ADAMTSL1: variants seen among roughly 807,000 people sequenced by gnomAD.
ADAMTSL1 encodes the protein ADAMTS-like protein 1.
ADAMTSL1 carries 126 observed loss-of-function variants against 201.8 expected under a neutral mutation model. The ratio of observed to expected loss-of-function variants is 0.62; its 90% CI spans 0.54 to 0.72. ADAMTSL1 has a LOEUF of 0.72. ADAMTSL1 is among the 30% of genes least tolerant of loss of function. ADAMTSL1 has a pLI of 0.00. For synonymous variants in ADAMTSL1, 1,121 were observed against 903.4 expected (o/e 1.24, Z -4.32); for missense variants, 2,679 against 2,277.8 (o/e 1.18, Z -3.59).
chr9:18,623,695 A>G (rs553482210), intron 5 of ADAMTSL1, among the ~76,000 whole-genome samples: 6 of 152,328 alleles, frequency 3.9e-5, no homozygotes, highest in Admixed American at 1.3e-4. Flanking sequence ...TGCAGCAGAT[A>G]CAGATAGAAA....
chr9:18,515,361 G>A (rs1201172772), intron 2 of ADAMTSL1, among the ~76,000 whole-genome samples: 1 of 152,174 alleles, frequency 6.6e-6, no homozygotes, highest in African/African-American at 2.4e-5. Flanking sequence ...TTGAGACAAG[G>A]TCTGGCTGTA....
intron 26 of ADAMTSL1, among the ~76,000 whole-genome samples, chr9:18,897,544 C>T (rs1047300913): frequency 1.3e-5 from 2 of 152,240 alleles, no homozygotes; most frequent in African/African-American, 4.8e-5. Context: ...GTTTTGCAGA[C>T]TTCACTGGTG....
In ADAMTSL1 at chr9:18,566,553, A is replaced by G. The variant is rs1371008268; in HGVS notation, c.238-7477A>G. 6.6e-5 allele frequency among the ~76,000 whole-genome samples: 10 copies of G among 152,306 alleles called. No individual in the cohort carries two copies. The East Asian group carries it at 1.7e-3, about 26-fold the overall frequency. On this transcript the variant is annotated intron_variant, in intron 3 of 28. Transcript: ENST00000380548. Reference sequence around the variant, plus strand: ...GCAGCCTAAGCTTTGTGGAGGTGATATTTGAGCAAAGACTTGATAAAGGTG... The same window carrying G: ...GCAGCCTAAGCTTTGTGGAGGTGATGTTTGAGCAAAGACTTGATAAAGGTG...
intron 1 of ADAMTSL1, among the ~76,000 whole-genome samples, chr9:17,956,437 A>G (rs1208652227): frequency 2.0e-5 from 3 of 152,190 alleles, no homozygotes; most frequent in Non-Finnish European, 4.4e-5. Flanking sequence ...ACATGTAACG[A>G]TTAGAAATTC....
intron 1 of ADAMTSL1, among the ~76,000 whole-genome samples, chr9:18,026,025 AT>A (rs1375520166): frequency 1.3e-5 from 2 of 151,730 alleles, no homozygotes; most frequent in Non-Finnish European, 2.9e-5. Context: ...ATGGGATTGC[AT>A]CCTTGATTTG....
At chr9:18,833,687 C>G (rs1825140084) in intron 23 of ADAMTSL1, among the ~76,000 whole-genome samples, 2 of 152,014 alleles carry the variant, frequency 1.3e-5, no homozygotes, top group African/African-American at 2.4e-5. Context: ...TGCAGACGCT[C>G]TTTAATTAGA....
intron 26 of ADAMTSL1, among the ~76,000 whole-genome samples, chr9:18,901,490 A>T (rs1050951129): frequency 6.6e-6 from 1 of 152,258 alleles, no homozygotes; most frequent in African/African-American, 2.4e-5. Flanking sequence ...GTTAGTGAAT[A>T]TACAGCATAT....
At chr9:17,969,385 G>T (rs905939467) in intron 1 of ADAMTSL1, among the ~76,000 whole-genome samples, 1 of 152,024 alleles carries the variant, frequency 6.6e-6, no homozygotes, top group Non-Finnish European at 1.5e-5. Context: ...TACAAGGAAG[G>T]AAGCTGAGAT....
At chr9:18,652,453 G>A (rs1490314006) in intron 7 of ADAMTSL1, among the ~76,000 whole-genome samples, 1 of 150,778 alleles carries the variant, frequency 6.6e-6, no homozygotes, top group African/African-American at 2.4e-5. Flanking sequence ...AATACAATTA[G>A]TCCTCTACTT....
At chr9:17,966,145 G>T (rs1817970430) in intron 1 of ADAMTSL1, among the ~76,000 whole-genome samples, 1 of 152,102 alleles carries the variant, frequency 6.6e-6, no homozygotes, top group Non-Finnish European at 1.5e-5. Flanking sequence ...GATTAAGAGA[G>T]GTCTGGGAAA....
intron 1 of ADAMTSL1, among the ~76,000 whole-genome samples, chr9:18,148,242 G>A (rs1472039850): frequency 1.3e-5 from 2 of 151,534 alleles, no homozygotes; most frequent in Non-Finnish European, 2.9e-5. Flanking sequence ...ATTTTTTCAT[G>A]TCTACATAGT....
chr9:18,012,107 T>C (rs1820077522), intron 1 of ADAMTSL1, among the ~76,000 whole-genome samples: 1 of 152,060 alleles, frequency 6.6e-6, no homozygotes, highest in Non-Finnish European at 1.5e-5. Context: ...GCAGGTGCTC[T>C]TTGTGGGGTT....
intron 1 of ADAMTSL1, among the ~76,000 whole-genome samples, chr9:17,938,457 A>C (rs1221758515): frequency 6.6e-6 from 1 of 152,176 alleles, no homozygotes; most frequent in Non-Finnish European, 1.5e-5. Context: ...CCTCATGCCA[A>C]GGGTGCGATG....
upstream of ADAMTSL1, among the ~76,000 whole-genome samples, chr9:18,473,408 T>C (rs1821297089): frequency 6.6e-6 from 1 of 152,222 alleles, no homozygotes; most frequent in South Asian, 2.1e-4. Context: ...AAGTTTCTAA[T>C]TGTGCCTTTA....
chr9:18,906,676 C>T lies in ADAMTSL1; in HGVS notation c.4962-16C>T, dbSNP rs1488967425. 6.4e-7 allele frequency: 1 copy of T among 1,553,096 alleles called. No individual in the cohort carries two copies. The highest frequency in any genetic ancestry group is 2.4e-5 in the East Asian group (1 of 42,438). The stretch of plus-strand genomic sequence containing the variant: ...CCACAGAAGCAAACCTTAACCCTGC[C>T]ACCATCCTCCTGCAGGCCTGTGAGC... On this transcript the variant is annotated splice_polypyrimidine_tract_variant and intron_variant, in intron 27 of 28. Coordinates refer to ENST00000380548, the MANE Select transcript of ADAMTSL1 (RefSeq NM_001040272.6).
In ADAMTSL1 at chr9:17,912,523, T is replaced by G. The variant is rs552101125; in HGVS notation, c.87+5601T>G. Among the ~76,000 whole-genome samples the G allele has an allele frequency of 1.4e-3, 89 of 63,298 alleles. 2 individuals are homozygous for G. Among genetic ancestry groups the G allele is most frequent in the African/African-American group, 2.3e-3 (73 of 31,600 alleles). 41.5% of individuals were successfully genotyped at this position (63,298 alleles called of 152,430 possible). A position where few individuals can be genotyped will look rare whatever the true frequency, so the allele number is the denominator to read the frequency against. ...CTGTTCATGTCCTTCGCCCACTTTT[T>G]GATGGGGTTGTTTGTTTTTTTCTTG... On this transcript the variant is annotated intron_variant, in intron 1 of 29. Transcript: ENST00000680146.
intron 1 of ADAMTSL1, among the ~76,000 whole-genome samples, chr9:17,997,946 C>T (rs1228403423): frequency 6.6e-6 from 1 of 151,990 alleles, no homozygotes; most frequent in Non-Finnish European, 1.5e-5. Flanking sequence ...TTACTGTTAC[C>T]TGGAATGGCT....
intron 21 of ADAMTSL1, among the ~76,000 whole-genome samples, chr9:18,825,041 C>G (rs1022911720): frequency 2.6e-5 from 4 of 152,108 alleles, no homozygotes; most frequent in Non-Finnish European, 5.9e-5. Context: ...CCAGTGAGTT[C>G]TATAAATAAA....
chr9:17,960,760 C>T lies in ADAMTSL1; in HGVS notation c.87+53838C>T, dbSNP rs1034165999. 2.0e-5 allele frequency among the ~76,000 whole-genome samples: 3 copies of T among 152,168 alleles called. No homozygotes were observed. In the South Asian group the frequency reaches 6.2e-4, roughly 32 times the overall value. On this transcript the variant is annotated intron_variant, in intron 1 of 29. Transcript: ENST00000680146. ...TTTTAACATTTCATCTCATCACTGC[C>T]TGCACTTATACTTTATAGATTTCAT... is the stretch of plus-strand genomic sequence containing the variant.
Sources: gnomAD v4.1 joint callset for allele counts (sites outside exome capture counted in the v4.1 genomes callset) on GRCh38, gnomAD v4.1.1 for gene constraint, MANE v1.5 for transcripts, NCBI Gene and HGNC (gene_info 2026-07-23, HGNC 2026-07-21) for gene names.